NAA35: variants seen among roughly 807,000 people sequenced by gnomAD.
The protein encoded by NAA35 is N-alpha-acetyltransferase 35, NatC auxiliary subunit, also known as MAK10 homolog, amino-acid N-acetyltransferase subunit.
NAA35 carries 18 observed loss-of-function variants against 101.7 expected under a neutral mutation model. The ratio of observed to expected loss-of-function variants is 0.18; its 90% confidence interval spans 0.12 to 0.26. NAA35 has a LOEUF of 0.26. Among genes scored for constraint, NAA35 ranks in the 10% least tolerant of loss-of-function variants. NAA35 has a pLI of 1.00. For synonymous variants in NAA35, 267 were observed against 273.1 expected (o/e 0.98, Z 0.22); for missense variants, 601 against 886.8 (o/e 0.68, Z 4.09).
rs552712948 is a variant in NAA35 at position 86,023,661 on chromosome 9, A to AT, written c.*1707dup. On this transcript the variant is annotated 3_prime_UTR_variant, in exon 23 of 23. Transcript: ENST00000361671. ...CTTTTAATTAAGAGGGTGTGCTGGC[A>AT]TTTTTTAGCTACTATGTCTGATTGG... 6.1e-4 allele frequency among the ~76,000 whole-genome samples: 93 copies of AT among 152,302 alleles called. No homozygotes were observed. The highest frequency in any genetic ancestry group is 2.0e-3 in the African/African-American group (83 of 41,568).
rs546233552 is a variant in NAA35 at position 85,954,733 on chromosome 9, C to T, written c.125-1627C>T. On this transcript the variant is annotated intron_variant, in intron 2 of 22. Coordinates refer to ENST00000361671, the MANE Select transcript of NAA35 (RefSeq NM_024635.4). ...GCTGCAGCAGTTTTGCCCTCCATTG[C>T]CTTTTTACCTTCCTATCATTGCTTT... 6.6e-5 allele frequency among the ~76,000 whole-genome samples: 10 copies of T among 152,242 alleles called. No homozygotes were observed. In the East Asian group the frequency reaches 1.9e-3, roughly 29 times the overall value.
chr9:85,972,935 T>C (rs1268569317), intron 6 of NAA35, among the ~76,000 whole-genome samples: 2 of 152,214 alleles, frequency 1.3e-5, no homozygotes, highest in Non-Finnish European at 2.9e-5. Context: ...AATACACATA[T>C]AATGTCAGGT....
intron 6 of NAA35, among the ~76,000 whole-genome samples, chr9:85,966,257 T>G (rs958269300): frequency 1.3e-5 from 2 of 152,148 alleles, no homozygotes; most frequent in Non-Finnish European, 2.9e-5. Flanking sequence ...TGAACATCCA[T>G]TTATATTCTG....
Position 86,013,739 on chromosome 9 carries a change from G to A in NAA35, c.1410G>A (p.Ala470=), listed in dbSNP as rs372937194. ...AATAGGCAGAGAAGGTTGATGCAGC[G>A]CTTCACACCATGCTGTTGAAACAGG... ...LQDEAEKVDA[A]LHTMLLKQEP... is the part of the protein sequence containing the mutation. The change falls in exon 17 of 23, where the codon GCG becomes GCA. Residue 470 remains alanine (A), a synonymous_variant. Transcript: ENST00000361671. 3.8e-5 allele frequency: 61 copies of A among 1,613,848 alleles called. No homozygotes were observed. Among genetic ancestry groups the A allele is most frequent in the Non-Finnish European group, 5.2e-5 (61 of 1,179,838 alleles).
At chr9:85,971,990 A>T (rs1293274866) in intron 6 of NAA35, among the ~76,000 whole-genome samples, 1 of 152,072 alleles carries the variant, frequency 6.6e-6, no homozygotes, top group Non-Finnish European at 1.5e-5. Flanking sequence ...ACAAATCTTC[A>T]AGAGTGATCT....
intron 17 of NAA35, among the ~76,000 whole-genome samples, chr9:86,015,169 AT>A (rs1168983065): frequency 1.3e-5 from 2 of 152,214 alleles, no homozygotes; most frequent in Admixed American, 1.3e-4. Flanking sequence ...TTATTTTTAT[AT>A]GCTTTTTTGC....
chr9:85,966,268 G>A (rs150195570), intron 6 of NAA35, among the ~76,000 whole-genome samples: 2,124 of 152,204 alleles, frequency 0.014, 47 homozygotes, highest in African/African-American at 0.047. Context: ...TTATATTCTG[G>A]ATGAAGGTCT....
chr9:85,942,976 T>C (rs1405874082), intron 2 of NAA35, among the ~76,000 whole-genome samples: 1 of 152,234 alleles, frequency 6.6e-6, no homozygotes, highest in East Asian at 1.9e-4. Flanking sequence ...TTTTATTTTC[T>C]TCATACAGCT....
intron 21 of NAA35, among the ~76,000 whole-genome samples, chr9:86,019,916 CCATCAACAG>C (rs1375577624): frequency 6.6e-6 from 1 of 152,106 alleles, no homozygotes. Context: ...ACAGTAGTAT[CCATCAACAG>C]GGGACTAATA....
chr9:85,941,423 C>T, intron 1 of NAA35, 150 bp downstream of exon 1: 1 of 985,440 alleles, frequency 1.0e-6, no homozygotes, highest in African/African-American at 1.7e-5. Flanking sequence ...CGGCGGGCTC[C>T]CCAGTGCCCG....
chr9:85,952,578 C>T (rs1829070267), intron 2 of NAA35, among the ~76,000 whole-genome samples: 1 of 152,038 alleles, frequency 6.6e-6, no homozygotes. Context: ...AGCCATTGTG[C>T]CTGGCTGTGC....
At chr9:85,998,906 T>G (rs1299413896) in intron 12 of NAA35, among the ~76,000 whole-genome samples, 1 of 152,224 alleles carries the variant, frequency 6.6e-6, no homozygotes, top group African/African-American at 2.4e-5. Flanking sequence ...CTGTGTTCCT[T>G]GAGCTCACAC....
chr9:86,016,748 C>G, intron 18 of NAA35, 73 bp downstream of exon 18: 1 of 1,469,814 alleles, frequency 6.8e-7, no homozygotes, highest in Non-Finnish European at 9.2e-7. Context: ...TGGAGAGCTA[C>G]TCGTGAGTTG....
chr9:85,996,690 T>C, intron 12 of NAA35, 113 bp downstream of exon 12: 2 of 716,590 alleles, frequency 2.8e-6, no homozygotes, highest in Non-Finnish European at 4.4e-6. Context: ...AATTGATTGC[T>C]TTATAGACAT....
intron 2 of NAA35, among the ~76,000 whole-genome samples, chr9:85,956,108 C>A (rs1010629488): frequency 6.6e-6 from 1 of 152,078 alleles, no homozygotes; most frequent in Admixed American, 6.6e-5. Flanking sequence ...TTATGGCCTG[C>A]GATGGGTCAC....
Position 85,973,231 on chromosome 9 carries a change from G to A in NAA35, c.517-1736G>A, listed in dbSNP as rs183504756. On this transcript the variant is annotated intron_variant, in intron 6 of 22. Transcript: ENST00000361671. Reference sequence around the variant, plus strand: ...GGAAATAAAGTTGGCGAGGGAGACCGGGCCATGTGATGTAGGGCCATAGAG... The same window carrying A: ...GGAAATAAAGTTGGCGAGGGAGACCAGGCCATGTGATGTAGGGCCATAGAG... 1.6e-3 allele frequency among the ~76,000 whole-genome samples: 249 copies of A among 152,312 alleles called. 1 individual carries two copies. The highest frequency in any genetic ancestry group is 3.8e-3 in the African/African-American group (158 of 41,574).
chr9:85,959,978 C>A, intron 5 of NAA35, 111 bp downstream of exon 5: 1 of 696,358 alleles, frequency 1.4e-6, no homozygotes, highest in South Asian at 2.4e-5. Context: ...GTAATACTTG[C>A]CCTAGTAAAG....
chr9:85,990,320 C>A (rs943086171), intron 11 of NAA35, among the ~76,000 whole-genome samples: 19 of 152,216 alleles, frequency 1.2e-4, no homozygotes, highest in African/African-American at 4.6e-4. Flanking sequence ...TCCTGTTAGG[C>A]CCCATCTCTC....
chr9:85,963,201 A>G lies in NAA35; in HGVS notation c.516+1021A>G, dbSNP rs570961425. ...ATATGTAAAACTTTTCTCAATTTATACTATGTATGTGAGAATAATTAAATG... is the reference window on the plus strand; with the variant it reads ...ATATGTAAAACTTTTCTCAATTTATGCTATGTATGTGAGAATAATTAAATG... On this transcript the variant is annotated intron_variant, in intron 6 of 22. Coordinates refer to ENST00000361671, the MANE Select transcript of NAA35 (RefSeq NM_024635.4). Among the ~76,000 whole-genome samples the G allele has an allele frequency of 8.6e-5, 13 of 151,024 alleles. No individual in the cohort carries two copies. The East Asian group carries it at 2.5e-3, about 29-fold the overall frequency.
Sources: gnomAD v4.1 joint callset for allele counts (sites outside exome capture counted in the v4.1 genomes callset) on GRCh38, gnomAD v4.1.1 for gene constraint, MANE v1.5 for transcripts, NCBI Gene and HGNC (gene_info 2026-07-23, HGNC 2026-07-21) for gene names.